REV3L: variants seen among roughly 807,000 people sequenced by gnomAD.
The protein encoded by REV3L is DNA polymerase zeta catalytic subunit.
In REV3L, 69 loss-of-function variants were observed where a neutral mutation model predicts 299.4. The observed-to-expected ratio is 0.23, with a 90% CI of 0.19 to 0.28. The LOEUF (loss-of-function observed/expected upper bound fraction) is 0.28, where lower values mean the gene tolerates loss of function less well. Ranked by LOEUF, REV3L falls within the 10% of genes least tolerant of loss-of-function variation. The pLI is 1.00. For synonymous variants in REV3L, 1,238 were observed against 1,271.4 expected, an observed-to-expected ratio of 0.97 and a Z score of 0.56; for missense variants, 3,128 against 3,693.8, an observed-to-expected ratio of 0.85 and a Z score of 3.97.
Position 111,450,698 on chromosome 6 carries a change from T to C in REV3L, c.139+32052A>G, listed in dbSNP as rs573186231. ...TTACATATTATGGAGAGGAAGAAAG[T>C]AATGAGAAAAGCTGTACATTTGGAT... On this transcript the variant is annotated intron_variant, in intron 1 of 31. Transcript: ENST00000368802. Among the ~76,000 whole-genome samples, 7 of 152,048 alleles carry C rather than the reference T, an allele frequency of 4.6e-5. No homozygotes were observed. In the East Asian group the frequency reaches 1.2e-3, roughly 25 times the overall value.
intron 5 of REV3L, among the ~76,000 whole-genome samples, chr6:111,391,033 A>G (rs1781874018): frequency 6.6e-6 from 1 of 150,478 alleles, no homozygotes; most frequent in Admixed American, 6.6e-5. Flanking sequence ...TTGATGACAT[A>G]TTTCATTAAC....
At chr6:111,352,285 G>A (rs980073241) in intron 18 of REV3L, among the ~76,000 whole-genome samples, 5 of 152,114 alleles carry the variant, frequency 3.3e-5, no homozygotes, top group Non-Finnish European at 1.5e-5. Context: ...TGGGATTATA[G>A]GCGATTTGAC....
At chr6:111,460,203 G>A (rs551860857) in intron 1 of REV3L, 1 of 152,000 alleles carries the variant, frequency 6.6e-6, no homozygotes, top group Admixed American at 6.6e-5. Flanking sequence ...ACTTACAAGT[G>A]GCAGCCAAAC....
chr6:111,360,871 T>C (rs527912524), intron 16 of REV3L: 2 of 152,060 alleles, frequency 1.3e-5, no homozygotes, highest in Non-Finnish European at 1.5e-5. Flanking sequence ...CTCAGAAACA[T>C]ATACTGCTGT....
rs111429744 is a variant in REV3L at position 111,367,118 on chromosome 6, T to C, written c.6670A>G (p.Thr2224Ala). The C allele has an allele frequency of 6.4e-7, 1 of 1,571,414 alleles. No individual in the cohort carries two copies. The highest frequency in any genetic ancestry group is 2.0e-5 in the Admixed American group (1 of 50,314). Reference sequence around the variant, plus strand: ...TTCCTGTTATTTGTACACTTACCTGTTGATAATGGGCTAAGGCCAGGTGCT... The same window carrying C: ...TTCCTGTTATTTGTACACTTACCTGCTGATAATGGGCTAAGGCCAGGTGCT... ...PEAPGLSPLS[T>A]EPKTQKLSNK... The change falls in exon 14 of 32, where the codon ACA becomes GCA. Residue 2224 changes from threonine (T) to alanine (A), a missense_variant. Transcript: ENST00000368802.
chr6:111,388,822 C>T (rs1260990424), intron 7 of REV3L, among the ~76,000 whole-genome samples: 1 of 152,022 alleles, frequency 6.6e-6, no homozygotes, highest in Non-Finnish European at 1.5e-5. Flanking sequence ...AGGGCTAGAA[C>T]ATACTAGAGA....
chr6:111,372,634 T>C lies in REV3L; in HGVS notation c.5721A>G (p.Pro1907=), dbSNP rs769909319. The change falls in exon 13 of 32, where the codon CCA becomes CCG. Residue 1907 remains proline, a synonymous_variant. Coordinates refer to ENST00000368802, the MANE Select transcript of REV3L (RefSeq NM_001372078.1). ...HDLSETIYQE[P]FCSNPSDVPE... ...GTACATCAGAAGGATTACTGCAAAA[T>C]GGTTCCTGGTAAATAGTCTCAGACA... is the stretch of plus-strand genomic sequence containing the variant. 19 of 1,511,740 alleles carry C rather than the reference T, an allele frequency of 1.3e-5. No homozygotes were observed. The highest frequency in any genetic ancestry group is 4.2e-5 in the African/African-American group (3 of 71,546). 93.6% of individuals were successfully genotyped at this position (1,511,740 alleles called of 1,614,324 possible). A position where few individuals can be genotyped will look rare whatever the true frequency, so the allele number is the denominator to read the frequency against.
intron 1 of REV3L, among the ~76,000 whole-genome samples, chr6:111,422,612 A>ATTTC (rs1785561863): frequency 2.1e-4 from 2 of 9,700 alleles, no homozygotes; most frequent in South Asian, 2.3e-3. Context: ...ATATATATAT[A>ATTTC]CACATATATA....
chr6:111,389,812 C>T (rs1319936321), intron 6 of REV3L, among the ~76,000 whole-genome samples: 1 of 141,254 alleles, frequency 7.1e-6, no homozygotes, highest in East Asian at 2.1e-4. Flanking sequence ...TCTTGGCCCA[C>T]TGCAACCTCC....
intron 1 of REV3L, among the ~76,000 whole-genome samples, chr6:111,456,210 G>A (rs774781542): frequency 2.0e-5 from 3 of 152,024 alleles, no homozygotes; most frequent in Non-Finnish European, 4.4e-5. Flanking sequence ...TTTTAGAGTC[G>A]GTCTTCCTTT....
chr6:111,469,063 G>A (rs573830603), intron 1 of REV3L, among the ~76,000 whole-genome samples: 1 of 152,150 alleles, frequency 6.6e-6, no homozygotes, highest in African/African-American at 2.4e-5. Flanking sequence ...TCAGGAGGCT[G>A]AGGTGGGAGA....
rs570245133 is a variant in REV3L, at chr6:111,384,748, T to A, written c.1096+3017A>T. Among the ~76,000 whole-genome samples, 23 of 152,344 alleles carry A rather than the reference T, an allele frequency of 1.5e-4. No individual in the cohort carries two copies. The South Asian group carries it at 4.6e-3, about 30-fold the overall frequency. On this transcript the variant is annotated intron_variant, in intron 9 of 31. Transcript: ENST00000368802. ...TCCAGCAATCTCTCTACTCGGTATT[T>A]ATCCAAAGGAAATGAAATTGGTATG...
chr6:111,472,109 T>C, intron 1 of REV3L: 2 of 1,278,914 alleles, frequency 1.6e-6, no homozygotes, highest in South Asian at 1.3e-5. Flanking sequence ...AATTTTTAGG[T>C]TGCTTTTATG....
At chr6:111,404,157 C>G (rs1165885276) in intron 4 of REV3L, among the ~76,000 whole-genome samples, 1 of 152,122 alleles carries the variant, frequency 6.6e-6, no homozygotes, top group African/African-American at 2.4e-5. Flanking sequence ...AAGTTGAAGC[C>G]AATGCTCATT....
intron 1 of REV3L, among the ~76,000 whole-genome samples, chr6:111,450,514 A>T (rs984068115): frequency 6.6e-6 from 1 of 151,060 alleles, no homozygotes; most frequent in African/African-American, 2.4e-5. Context: ...AAACCAAAAA[A>T]CATTAGTATC....
intron 4 of REV3L, among the ~76,000 whole-genome samples, chr6:111,396,875 G>A (rs1015809360): frequency 5.3e-5 from 8 of 151,956 alleles, no homozygotes; most frequent in Admixed American, 6.6e-5. Context: ...GCTGTAATGC[G>A]TCCAAAAATG....
At chr6:111,325,592 CAG>C (rs1774693311) in intron 25 of REV3L, among the ~76,000 whole-genome samples, 1 of 152,196 alleles carries the variant, frequency 6.6e-6, no homozygotes, top group Non-Finnish European at 1.5e-5. Flanking sequence ...TGAAGGAAAG[CAG>C]GAGACCACAG....
chr6:111,483,182 C>T lies in REV3L; in HGVS notation c.-294G>A. ...GGGAATCACACGGGCTCCTCGGTCC[C>T]AGGCTGCAGCTCTTGTTGCCATGAT... On this transcript the variant is annotated 5_prime_UTR_variant, in exon 1 of 32. An upstream open reading frame in the 5' UTR gains an earlier in-frame stop. Transcript: ENST00000368802. 1 of 490,076 alleles carries T rather than the reference C, an allele frequency of 2.0e-6. No individual in the cohort carries two copies. The highest frequency in any genetic ancestry group is 3.5e-6 in the Non-Finnish European group (1 of 282,502). The allele number at this position is 490,076 out of a possible 1,614,324, so 30.4% of individuals were successfully genotyped here.
chr6:111,434,336 C>T (rs780393366), intron 1 of REV3L, among the ~76,000 whole-genome samples: 30 of 151,998 alleles, frequency 2.0e-4, no homozygotes, highest in Non-Finnish European at 3.7e-4. Flanking sequence ...ATTAATGGTC[C>T]GGGCGTGGTG....
Sources: gnomAD v4.1 joint callset for allele counts (sites outside exome capture counted in the v4.1 genomes callset) on GRCh38, gnomAD v4.1.1 for gene constraint, MANE v1.5 for transcripts, NCBI Gene and HGNC (gene_info 2026-07-23, HGNC 2026-07-21) for gene names.